PLA2R1: variants seen among roughly 807,000 people sequenced by gnomAD.
PLA2R1 encodes the protein secretory phospholipase A2 receptor.
A neutral mutation model predicts 195.9 loss-of-function variants in PLA2R1; 158 were observed. The observed-to-expected ratio is 0.81, with a 90% CI of 0.71 to 0.92. The LOEUF (loss-of-function observed/expected upper bound fraction) is 0.92. Ranked by LOEUF, PLA2R1 falls within the 40% of genes least tolerant of loss-of-function variation. The pLI is 0.00. For missense variants in PLA2R1, 1,626 were observed against 1,764.6 expected, an observed-to-expected ratio of 0.92 and a Z score of 1.41; for synonymous variants, 586 against 598.2, an observed-to-expected ratio of 0.98 and a Z score of 0.30.
intron 6 of PLA2R1, among the ~76,000 whole-genome samples, chr2:160,026,398 A>G (rs79856398): frequency 0.089 from 13,530 of 152,236 alleles, 1,453 homozygotes; most frequent in East Asian, 0.26. Context: ...AAAGAGCCTA[A>G]AACTCTGATG....
the PLA2R1 span, among the ~76,000 whole-genome samples, chr2:159,925,685 C>A: frequency 0.21 from 31,638 of 151,948 alleles, 3,853 homozygotes; most frequent in Admixed American, 0.36. Flanking sequence ...TGACAAGGAT[C>A]CCAGCTCCCC....
At chr2:160,004,305 T>C (rs1462607854) in intron 11 of PLA2R1, among the ~76,000 whole-genome samples, 3 of 152,238 alleles carry the variant, frequency 2.0e-5, no homozygotes, top group Non-Finnish European at 4.4e-5. Context: ...TCACATTATC[T>C]ATAGTAAGAA....
At position 160,020,103 on chromosome 2, in the gene PLA2R1, T is replaced by C; in HGVS notation, c.1452+3A>G. 2.5e-6 allele frequency: 4 copies of C among 1,610,420 alleles called. No homozygotes were observed. Among genetic ancestry groups the C allele is most frequent in the Non-Finnish European group, 2.5e-6 (3 of 1,178,094 alleles). On this transcript the variant is annotated splice_donor_region_variant and intron_variant, in intron 8 of 29. Coordinates refer to ENST00000283243, the MANE Select transcript of PLA2R1 (RefSeq NM_007366.5). ...TGAGCACTGAACAAATGAATCAACT[T>C]ACAGACTGCTCTGCTGAGACACACA...
intron 10 of PLA2R1, among the ~76,000 whole-genome samples, chr2:160,011,580 A>C (rs958584922): frequency 2.0e-5 from 3 of 152,246 alleles, no homozygotes. Context: ...TAAACAAAAA[A>C]ATAAAGAATA....
chr2:159,991,439 C>CTT lies in PLA2R1; in HGVS notation c.1835-4083_1835-4082dup, dbSNP rs34466452. On this transcript the variant is annotated intron_variant, in intron 11 of 29. Coordinates refer to ENST00000283243, the MANE Select transcript of PLA2R1 (RefSeq NM_007366.5). ...GCTGAAAGTGCAGGGCACTTTCTTTCTTTTTTTTTTTTTTTTAAGTTTTTC... is the reference window on the plus strand; with the variant it reads ...GCTGAAAGTGCAGGGCACTTTCTTTCTTTTTTTTTTTTTTTTTTAAGTTTTTC... 7.4e-4 allele frequency among the ~76,000 whole-genome samples: 100 copies of CTT among 136,004 alleles called. 1 individual carries two copies. Among genetic ancestry groups the CTT allele is most frequent in the East Asian group, 8.6e-4 (4 of 4,650 alleles). The allele number at this position is 136,004 out of a possible 152,430, so 89.2% of individuals were successfully genotyped here. A position where few individuals can be genotyped will look rare whatever the true frequency, so the allele number is the denominator to read the frequency against.
chr2:159,995,649 A>T (rs767795908), intron 11 of PLA2R1, among the ~76,000 whole-genome samples: 6 of 152,092 alleles, frequency 3.9e-5, no homozygotes. Context: ...GGAGCTATGG[A>T]AAGTCACCAG....
intron 1 of PLA2R1, among the ~76,000 whole-genome samples, chr2:160,051,297 A>G (rs1217159840): frequency 6.6e-5 from 10 of 152,256 alleles, no homozygotes; most frequent in Non-Finnish European, 1.3e-4. Flanking sequence ...AAGCCACAGC[A>G]TGCAGGCTGC....
intron 3 of PLA2R1, among the ~76,000 whole-genome samples, chr2:160,040,393 T>C (rs1694452799): frequency 6.6e-6 from 1 of 152,180 alleles, no homozygotes; most frequent in Non-Finnish European, 1.5e-5. Context: ...GATTGACCAA[T>C]AGCCCATACC....
chr2:159,965,954 C>T (rs1688760347), intron 20 of PLA2R1, among the ~76,000 whole-genome samples: 1 of 152,130 alleles, frequency 6.6e-6, no homozygotes, highest in African/African-American at 2.4e-5. Flanking sequence ...CCACCAGACT[C>T]AGGGTCAGAA....
intron 4 of PLA2R1, among the ~76,000 whole-genome samples, chr2:160,029,239 T>C (rs964098151): frequency 6.6e-6 from 1 of 152,240 alleles, no homozygotes; most frequent in Non-Finnish European, 1.5e-5. Flanking sequence ...GGGTGCATGG[T>C]TGCATACTTG....
chr2:159,958,018 T>C (rs1184125789), intron 20 of PLA2R1, among the ~76,000 whole-genome samples: 1 of 152,172 alleles, frequency 6.6e-6, no homozygotes, highest in Non-Finnish European at 1.5e-5. Context: ...AACCTACACT[T>C]GAAAAAGCAT....
At chr2:159,961,576 G>A (rs575078540) in intron 20 of PLA2R1, among the ~76,000 whole-genome samples, 1 of 152,266 alleles carries the variant, frequency 6.6e-6, no homozygotes, top group East Asian at 1.9e-4. Context: ...TGAGCTACAT[G>A]AGGGTGTTTT....
At chr2:159,925,625 CTTTGTTGAGAGGT>C in the PLA2R1 span, among the ~76,000 whole-genome samples, 1 of 149,098 alleles carries the variant, frequency 6.7e-6, no homozygotes, top group East Asian at 2.0e-4. Flanking sequence ...CTTCCTATTT[CTTTGTTGAGAGGT>C]TTTGTTCAGG....
At chr2:159,925,629 G>T in the PLA2R1 span, among the ~76,000 whole-genome samples, 1 of 150,774 alleles carries the variant, frequency 6.6e-6, no homozygotes, top group Non-Finnish European at 1.5e-5. Flanking sequence ...CTATTTCTTT[G>T]TTGAGAGGTT....
At chr2:160,036,517 A>G (rs1694172043) in intron 3 of PLA2R1, among the ~76,000 whole-genome samples, 1 of 152,092 alleles carries the variant, frequency 6.6e-6, no homozygotes, top group African/African-American at 2.4e-5. Context: ...GTTTCTAAAG[A>G]GAGTCATAGT....
At chr2:160,053,984 T>C (rs1695380768) in intron 1 of PLA2R1, among the ~76,000 whole-genome samples, 1 of 152,244 alleles carries the variant, frequency 6.6e-6, no homozygotes, top group Non-Finnish European at 1.5e-5. Flanking sequence ...GCAACTGCAC[T>C]GGTTACATCC....
chr2:159,949,768 A>G lies in PLA2R1; in HGVS notation c.3549T>C (p.Leu1183=), dbSNP rs1687622733. The change falls in exon 25 of 30, where the codon CTT becomes CTC. Residue 1183 remains leucine (L), a synonymous_variant. Coordinates refer to ENST00000283243, the MANE Select transcript of PLA2R1 (RefSeq NM_007366.5). Reference sequence around the variant, plus strand: ...TGGTGCCATCAGACCAGTCAAAATTAAGACCATTCTGTGGAGGAAAACTGA... The same window carrying G: ...TGGTGCCATCAGACCAGTCAAAATTGAGACCATTCTGTGGAGGAAAACTGA... The part of the protein sequence containing the change: ...WIGLFTTDNG[L]NFDWSDGTKS... 6.2e-7 allele frequency: 1 copy of G among 1,613,610 alleles called. No homozygotes were observed. Among genetic ancestry groups the G allele is most frequent in the Non-Finnish European group, 8.5e-7 (1 of 1,179,594 alleles).
Position 159,983,978 on chromosome 2 carries a change from A to G in PLA2R1, c.2133T>C (p.His711=). The change falls in exon 13 of 30, where the codon CAT becomes CAC. Residue 711 remains histidine, a synonymous_variant. Transcript: ENST00000283243. ...CATTCACAAAATTCTCTTCCTCAAT[A>G]TGGGCAAAGCTTGCAAGATGAGCTC... The part of the protein sequence containing the change: ...EFGAHLASFA[H]IEEENFVNEL... 1 of 1,599,598 alleles carries G rather than the reference A, an allele frequency of 6.3e-7. No individual in the cohort carries two copies. Among genetic ancestry groups the G allele is most frequent in the Non-Finnish European group, 8.6e-7 (1 of 1,167,718 alleles).
At chr2:159,942,097 T>A (rs1230371047) in intron 29 of PLA2R1, 30 bp downstream of exon 29, 2 of 1,603,330 alleles carry the variant, frequency 1.2e-6, no homozygotes, top group African/African-American at 2.7e-5. Context: ...CTAAGAAAAA[T>A]CAAAATGTTT....
Sources: allele counts gnomAD v4.1 joint callset (sites outside exome capture counted in the v4.1 genomes callset), GRCh38; gene constraint gnomAD v4.1.1; transcripts MANE v1.5; gene names NCBI Gene and HGNC (gene_info 2026-07-23, HGNC 2026-07-21).